FECH: variants seen among roughly 807,000 people sequenced by gnomAD.
FECH encodes the protein ferrochelatase.
In FECH, 40 loss-of-function variants were observed where a neutral mutation model predicts 56.9. The ratio of observed to expected loss-of-function variants is 0.70; its 90% CI spans 0.55 to 0.92. The LOEUF (loss-of-function observed/expected upper bound fraction) is 0.92, where lower values mean the gene tolerates loss of function less well. Among genes scored for constraint, FECH ranks in the 40% least tolerant of loss-of-function variants. FECH has a pLI of 0.00. For missense variants in FECH, 431 were observed against 529.1 expected, an observed-to-expected ratio of 0.81 and a Z score of 1.82; for synonymous variants, 175 against 198.6, an observed-to-expected ratio of 0.88 and a Z score of 1.00.
chr18:57,559,037 T>C lies in FECH; in HGVS notation c.804+108A>G. 7.7e-6 allele frequency: 6 copies of C among 777,294 alleles called. No homozygotes were observed. The South Asian group carries it at 8.5e-5, about 11-fold the overall frequency. The allele number at this position is 777,294 out of a possible 1,614,324, so 48.1% of individuals were successfully genotyped here. On this transcript the variant is annotated intron_variant, in intron 7 of 10. Coordinates refer to ENST00000262093, the MANE Select transcript of FECH (RefSeq NM_000140.5). ...AGTCTGAGATTTGAGAATTCATTCT[T>C]GCACTGGGCTTAGGACATAATGGAA... is the stretch of plus-strand genomic sequence containing the variant.
intron 4 of FECH, among the ~76,000 whole-genome samples, chr18:57,570,636 T>A (rs560407297): frequency 2.8e-4 from 43 of 152,366 alleles, no homozygotes; most frequent in South Asian, 8.3e-4. Context: ...TGTACATTTT[T>A]TTGGTTTTAA....
intron 7 of FECH, among the ~76,000 whole-genome samples, chr18:57,556,954 C>T (rs1027203540): frequency 4.8e-5 from 6 of 124,594 alleles, no homozygotes; most frequent in Non-Finnish European, 9.9e-5. Context: ...TGATGAAAGA[C>T]AAGCCAAGTA....
intron 3 of FECH, among the ~76,000 whole-genome samples, chr18:57,572,268 T>G (rs2051121242): frequency 6.6e-6 from 1 of 152,016 alleles, no homozygotes; most frequent in Non-Finnish European, 1.5e-5. Context: ...TGTAGGGACA[T>G]GGATGAAGCT....
At chr18:57,583,032 T>C (rs317806) in intron 1 of FECH, among the ~76,000 whole-genome samples, 109,398 of 151,884 alleles carry the variant, frequency 0.72, 39,772 homozygotes, top group East Asian at 0.99. Context: ...TTACCATGTC[T>C]TACTTACAAA....
At chr18:57,551,756 G>GTAAA (rs2050801127) in intron 9 of FECH, among the ~76,000 whole-genome samples, 1 of 152,066 alleles carries the variant, frequency 6.6e-6, no homozygotes, top group Non-Finnish European at 1.5e-5. Flanking sequence ...GAATGTTACT[G>GTAAA]TAAATATAGT....
At chr18:57,567,139 C>A (rs964681440) in intron 4 of FECH, among the ~76,000 whole-genome samples, 1 of 152,124 alleles carries the variant, frequency 6.6e-6, no homozygotes, top group Non-Finnish European at 1.5e-5. Context: ...CTCCTATTAC[C>A]CAGTTCCCCG....
chr18:57,569,866 C>G (rs1343828714), intron 4 of FECH, among the ~76,000 whole-genome samples: 1 of 150,582 alleles, frequency 6.6e-6, no homozygotes, highest in Non-Finnish European at 1.5e-5. Context: ...CAGGGTCTCA[C>G]TTTGTTTCCC....
chr18:57,571,037 C>T (rs1486984371), intron 4 of FECH, among the ~76,000 whole-genome samples: 1 of 152,214 alleles, frequency 6.6e-6, no homozygotes, highest in Non-Finnish European at 1.5e-5. Context: ...TAGCAGCAGC[C>T]TCAATCCATT....
At position 57,546,616 on chromosome 18, in the gene FECH, T is replaced by C. The variant is rs1161930205; in HGVS notation, c.*4096A>G. On this transcript the variant is annotated 3_prime_UTR_variant, in exon 11 of 11. Transcript: ENST00000262093. ...GATTAGCCCACCTCTTGCATCAGCG[T>C]GACCTGGAGGTGAGACATGGAGTCA... 6.6e-6 allele frequency among the ~76,000 whole-genome samples: 1 copy of C among 152,228 alleles called. No homozygotes were observed. The highest frequency in any genetic ancestry group is 1.5e-5 in the Non-Finnish European group (1 of 68,036).
intron 1 of FECH, among the ~76,000 whole-genome samples, chr18:57,584,325 C>CAAAAA (rs11383428): frequency 9.0e-5 from 9 of 99,754 alleles, no homozygotes; most frequent in East Asian, 3.1e-4. Context: ...GACTCGGTCT[C>CAAAAA]AAAAAAAAAA....
chr18:57,564,041 G>T (rs1357930694), intron 5 of FECH, among the ~76,000 whole-genome samples: 1 of 152,040 alleles, frequency 6.6e-6, no homozygotes, highest in Non-Finnish European at 1.5e-5. Context: ...ACTACGCCTG[G>T]CTAATTTTTT....
intron 4 of FECH, among the ~76,000 whole-genome samples, chr18:57,570,264 G>A (rs949353301): frequency 5.3e-5 from 8 of 152,312 alleles, no homozygotes; most frequent in African/African-American, 1.9e-4. Flanking sequence ...GGTGTGAATG[G>A]AGGGCTGACA....
intron 4 of FECH, among the ~76,000 whole-genome samples, chr18:57,566,875 G>C (rs968904521): frequency 6.6e-6 from 1 of 152,006 alleles, no homozygotes; most frequent in Non-Finnish European, 1.5e-5. Flanking sequence ...TGGCATAAGA[G>C]AGCCTCAAGA....
intron 6 of FECH, among the ~76,000 whole-genome samples, chr18:57,561,464 G>T (rs973021714): frequency 1.3e-5 from 2 of 152,224 alleles, no homozygotes; most frequent in Non-Finnish European, 2.9e-5. Flanking sequence ...AAGGAGAAGT[G>T]CTATTTAAAT....
chr18:57,557,458 A>G (rs1168136929), intron 7 of FECH, among the ~76,000 whole-genome samples: 1 of 152,166 alleles, frequency 6.6e-6, no homozygotes, highest in African/African-American at 2.4e-5. Context: ...AAGAATAAGG[A>G]AGTGAGGCCA....
intron 6 of FECH, among the ~76,000 whole-genome samples, chr18:57,559,904 C>T (rs144573241): frequency 0.031 from 4,657 of 152,252 alleles, 109 homozygotes; most frequent in Middle Eastern, 0.075. Context: ...CCTGCCTCCC[C>T]CTCCAAATCT....
intron 1 of FECH, among the ~76,000 whole-genome samples, chr18:57,583,854 G>A (rs77690705): frequency 0.047 from 7,063 of 151,726 alleles, 236 homozygotes; most frequent in Non-Finnish European, 0.071. Flanking sequence ...TGATCAAACC[G>A]ACAGATAAGC....
intron 5 of FECH, among the ~76,000 whole-genome samples, chr18:57,564,532 ATTAG>A (rs2050991483): frequency 6.6e-6 from 1 of 152,198 alleles, no homozygotes; most frequent in Non-Finnish European, 1.5e-5. Context: ...TATAAGAACT[ATTAG>A]TTAGGTTTCC....
intron 1 of FECH, among the ~76,000 whole-genome samples, chr18:57,583,157 A>G (rs1272936204): frequency 6.6e-6 from 1 of 151,544 alleles, no homozygotes; most frequent in African/African-American, 2.4e-5. Context: ...CATCCAAAAC[A>G]CTCCTCTCCC....
Sources: gnomAD v4.1 joint callset for allele counts (sites outside exome capture counted in the v4.1 genomes callset) on GRCh38, gnomAD v4.1.1 for gene constraint, MANE v1.5 for transcripts, NCBI Gene and HGNC (gene_info 2026-07-23, HGNC 2026-07-21) for gene names.